Variants in SNTG2 observed in about 807,000 individuals in gnomAD.
The protein encoded by SNTG2 is syntrophin gamma 2, also known as gamma-2-syntrophin.
SNTG2 carries 74 observed loss-of-function variants against 70.9 expected under a neutral mutation model. That is an observed-to-expected ratio of 1.04 (90% CI 0.86 to 1.27). The LOEUF is 1.27. Ranked by LOEUF, SNTG2 falls within the 50% of genes most tolerant of loss-of-function variation. The pLI is 0.00. For synonymous variants in SNTG2, 278 were observed against 273.8 expected, an observed-to-expected ratio of 1.02 and a Z score of -0.15; for missense variants, 717 against 690.7, an observed-to-expected ratio of 1.04 and a Z score of -0.43.
At chr2:1,050,533 G>A (rs1369301465) in intron 1 of SNTG2, among the ~76,000 whole-genome samples, 1 of 151,144 alleles carries the variant, frequency 6.6e-6, no homozygotes, top group Non-Finnish European at 1.5e-5. Context: ...TATTTTCCTT[G>A]AGCAAATTTT....
intron 16 of SNTG2, among the ~76,000 whole-genome samples, chr2:1,338,605 T>C (rs573561505): frequency 1.3e-5 from 2 of 152,200 alleles, no homozygotes; most frequent in Non-Finnish European, 1.5e-5. Context: ...AGGTGCCTCA[T>C]AGAAGTGCAA....
intron 4 of SNTG2, among the ~76,000 whole-genome samples, chr2:1,111,702 A>T (rs553396576): frequency 9.9e-5 from 15 of 152,256 alleles, no homozygotes; most frequent in Non-Finnish European, 2.2e-4. Flanking sequence ...ATCAATGATA[A>T]ATAATCTCCC....
chr2:1,223,275 T>G (rs13004130), intron 9 of SNTG2, among the ~76,000 whole-genome samples: 4,175 of 51,926 alleles, frequency 0.08, 503 homozygotes, highest in East Asian at 0.17. Context: ...AGTGATGGAG[T>G]GCGTCTCCCT....
At chr2:1,331,993 G>A (rs369845503) in intron 16 of SNTG2, among the ~76,000 whole-genome samples, 42 of 152,084 alleles carry the variant, frequency 2.8e-4, no homozygotes, top group African/African-American at 9.6e-4. Flanking sequence ...AACCCAGCCT[G>A]GTGCCTGCTC....
At chr2:1,322,774 G>A (rs995115597) in intron 16 of SNTG2, among the ~76,000 whole-genome samples, 14 of 151,888 alleles carry the variant, frequency 9.2e-5, no homozygotes, top group Admixed American at 2.0e-4. Flanking sequence ...GGAACCTATC[G>A]CTGCCCAATG....
At position 1,353,536 on chromosome 2, in the gene SNTG2, G is replaced by A. The variant is rs890208431; in HGVS notation, c.1489-13807G>A. On this transcript the variant is annotated intron_variant, in intron 16 of 16. Transcript: ENST00000308624. The surrounding 1 kb of genome is among the most constrained non-coding windows in gnomAD (Gnocchi z 4.2). ...TTTCAAGTCTTGCTTTGAGGGCCAAGTCCCCACAGCCACCTCCTTGAATTC... is the reference window on the plus strand; with the variant it reads ...TTTCAAGTCTTGCTTTGAGGGCCAAATCCCCACAGCCACCTCCTTGAATTC... Among the ~76,000 whole-genome samples the A allele has an allele frequency of 6.6e-6, 1 of 152,196 alleles. No individual in the cohort carries two copies. Among genetic ancestry groups the A allele is most frequent in the Non-Finnish European group, 1.5e-5 (1 of 68,042 alleles).
intron 14 of SNTG2, among the ~76,000 whole-genome samples, chr2:1,305,675 ATG>A: frequency 6.6e-6 from 1 of 152,332 alleles, no homozygotes; most frequent in Non-Finnish European, 1.5e-5. Context: ...AAAAATGCAA[ATG>A]ATGAGACACT....
intron 14 of SNTG2, among the ~76,000 whole-genome samples, chr2:1,270,037 C>T (rs545527273): frequency 6.6e-6 from 1 of 152,252 alleles, no homozygotes; most frequent in Admixed American, 6.5e-5. Context: ...CTCAAAGAAG[C>T]CCCGGGTGGA....
intron 1 of SNTG2, among the ~76,000 whole-genome samples, chr2:971,879 A>G (rs1660754885): frequency 6.6e-6 from 1 of 152,134 alleles, no homozygotes. Flanking sequence ...ATTAGTTTCA[A>G]ATAATTTTTT....
At chr2:1,350,271 C>T (rs1181942672) in intron 16 of SNTG2, among the ~76,000 whole-genome samples, 1 of 152,152 alleles carries the variant, frequency 6.6e-6, no homozygotes, top group African/African-American at 2.4e-5. Flanking sequence ...GAAAGCGGAA[C>T]TTGGATGTAA....
chr2:1,137,160 GCTATGTGTTCA>G (rs1285653211), intron 4 of SNTG2, among the ~76,000 whole-genome samples: 1 of 152,180 alleles, frequency 6.6e-6, no homozygotes, highest in Non-Finnish European at 1.5e-5. Flanking sequence ...GCCGCCTATT[GCTATGTGTTCA>G]CATTTCCCAC....
chr2:1,011,695 T>C (rs1659732238), intron 1 of SNTG2, among the ~76,000 whole-genome samples: 1 of 152,200 alleles, frequency 6.6e-6, no homozygotes, highest in Non-Finnish European at 1.5e-5. Context: ...TTTGTTGACA[T>C]GACTTCAGAT....
intron 4 of SNTG2, among the ~76,000 whole-genome samples, chr2:1,123,615 C>T (rs938214740): frequency 3.3e-5 from 5 of 152,132 alleles, no homozygotes; most frequent in East Asian, 3.9e-4. Flanking sequence ...TAGAAGAGAA[C>T]GTTGGAGAAG....
intron 4 of SNTG2, among the ~76,000 whole-genome samples, chr2:1,133,910 A>G (rs1183393815): frequency 6.7e-6 from 1 of 148,970 alleles, no homozygotes; most frequent in Non-Finnish European, 1.5e-5. Context: ...GAAGCCGCGG[A>G]CCCTCGCGGT....
At chr2:1,207,697 G>A (rs913897665) in intron 8 of SNTG2, among the ~76,000 whole-genome samples, 11 of 152,160 alleles carry the variant, frequency 7.2e-5, no homozygotes, top group Admixed American at 2.6e-4. Context: ...ACGTGGAAGC[G>A]AAGCCTCCAA....
intron 9 of SNTG2, among the ~76,000 whole-genome samples, chr2:1,218,849 T>C (rs531257970): frequency 2.6e-5 from 4 of 152,226 alleles, no homozygotes; most frequent in South Asian, 2.1e-4. Context: ...TTTAACCAAG[T>C]AGGGTGGGAG....
intron 1 of SNTG2, among the ~76,000 whole-genome samples, chr2:1,031,119 T>C (rs977841451): frequency 6.6e-6 from 1 of 152,338 alleles, no homozygotes; most frequent in Admixed American, 6.5e-5. Context: ...CAATATTGCA[T>C]GAAACAGTGT....
chr2:1,042,008 A>G (rs138949543), intron 1 of SNTG2, among the ~76,000 whole-genome samples: 22 of 152,308 alleles, frequency 1.4e-4, no homozygotes, highest in African/African-American at 5.1e-4. Flanking sequence ...CTAAGATGCC[A>G]TTAACATTTA....
chr2:1,153,266 T>C (rs2147813744), intron 6 of SNTG2, among the ~76,000 whole-genome samples: 1 of 152,364 alleles, frequency 6.6e-6, no homozygotes, highest in African/African-American at 2.4e-5. Context: ...ATTATCCATT[T>C]TTTTATTATA....
Sources: allele counts gnomAD v4.1 joint callset (sites outside exome capture counted in the v4.1 genomes callset), GRCh38; gene constraint gnomAD v4.1.1; non-coding constraint Gnocchi (gnomAD v3.1); transcripts MANE v1.5; gene names NCBI Gene and HGNC (gene_info 2026-07-23, HGNC 2026-07-21).